The following HDAC9 variants were observed in gnomAD, a reference collection of about 807,000 sequenced individuals.
HDAC9 encodes the protein MEF-2 interacting transcription repressor (MITR) protein.
A neutral mutation model predicts 139.4 loss-of-function variants in HDAC9; 41 were observed. That is an observed-to-expected ratio of 0.29 (90% CI 0.23 to 0.38). HDAC9 has a LOEUF of 0.38. Ranked by LOEUF, HDAC9 falls within the 10% of genes least tolerant of loss-of-function variation. HDAC9 has a pLI of 1.00. For synonymous variants in HDAC9, 517 were observed against 476.2 expected, an observed-to-expected ratio of 1.09 and a Z score of -1.12; for missense variants, 1,147 against 1,297.0, an observed-to-expected ratio of 0.88 and a Z score of 1.78.
intron 2 of HDAC9, among the ~76,000 whole-genome samples, chr7:18,162,964 G>C (rs1787748600): frequency 6.6e-6 from 1 of 152,156 alleles, no homozygotes; most frequent in African/African-American, 2.4e-5. Flanking sequence ...CACAATCCAA[G>C]TTTTGGGAAT....
intron 12 of HDAC9, among the ~76,000 whole-genome samples, chr7:18,696,039 C>T (rs1003013615): frequency 1.3e-5 from 2 of 151,994 alleles, no homozygotes; most frequent in African/African-American, 4.8e-5. Context: ...TAATATCATT[C>T]GTACTAACAC....
intron 6 of HDAC9, among the ~76,000 whole-genome samples, chr7:18,598,535 G>A (rs1214501377): frequency 1.3e-5 from 2 of 152,136 alleles, no homozygotes; most frequent in South Asian, 2.1e-4. Flanking sequence ...TCTGTCAAAT[G>A]AGGATAATAA....
At chr7:18,407,968 C>G (rs1788170224) in intron 1 of HDAC9, among the ~76,000 whole-genome samples, 1 of 152,134 alleles carries the variant, frequency 6.6e-6, no homozygotes, top group South Asian at 2.1e-4. Flanking sequence ...AGTTTGAGTT[C>G]TGGCCATATT....
At chr7:18,206,216 C>T (rs1345551077) in intron 2 of HDAC9, among the ~76,000 whole-genome samples, 1 of 152,004 alleles carries the variant, frequency 6.6e-6, no homozygotes, top group Admixed American at 6.6e-5. Flanking sequence ...TCTATCATTG[C>T]AGCTGTTAAT....
chr7:18,724,706 A>G (rs1023952911), intron 12 of HDAC9, among the ~76,000 whole-genome samples: 2 of 152,152 alleles, frequency 1.3e-5, no homozygotes, highest in Non-Finnish European at 1.5e-5. Context: ...GCCCAGTGTC[A>G]TATATGTGGT....
At chr7:18,478,228 T>C (rs1282622992) in intron 1 of HDAC9, among the ~76,000 whole-genome samples, 1 of 152,012 alleles carries the variant, frequency 6.6e-6, no homozygotes, top group Non-Finnish European at 1.5e-5. Flanking sequence ...CCCGCCACCA[T>C]GCCCCGGTAA....
At chr7:18,619,050 T>C (rs1289107532) in intron 6 of HDAC9, among the ~76,000 whole-genome samples, 1 of 152,102 alleles carries the variant, frequency 6.6e-6, no homozygotes, top group African/African-American at 2.4e-5. Context: ...GCTAGATAGA[T>C]TTTTAAATTT....
At chr7:18,409,121 A>T (rs572552531) in intron 1 of HDAC9, among the ~76,000 whole-genome samples, 2 of 152,216 alleles carry the variant, frequency 1.3e-5, no homozygotes, top group African/African-American at 2.4e-5. Flanking sequence ...TCAAGGGAAT[A>T]TTTTGTAGGT....
At chr7:18,831,957 G>T (rs981898477) in intron 19 of HDAC9, among the ~76,000 whole-genome samples, 5 of 152,212 alleles carry the variant, frequency 3.3e-5, no homozygotes, top group African/African-American at 1.2e-4. Flanking sequence ...TGCAGAGCTA[G>T]AGTTCTAATT....
chr7:18,648,873 A>G (rs545506479), intron 11 of HDAC9, among the ~76,000 whole-genome samples, 190 bp downstream of exon 11: 1 of 152,310 alleles, frequency 6.6e-6, no homozygotes, highest in South Asian at 2.1e-4. Context: ...TTATGTTCAT[A>G]AGACATTTGT....
intron 1 of HDAC9, among the ~76,000 whole-genome samples, chr7:18,395,476 C>A (rs1201399848): frequency 5.5e-5 from 8 of 145,246 alleles, no homozygotes; most frequent in African/African-American, 1.8e-4. Context: ...TGTGGAATTG[C>A]AGAATAAATG....
intron 1 of HDAC9, chr7:18,327,390 A>G (rs541365971): frequency 9.2e-5 from 14 of 152,090 alleles, no homozygotes; most frequent in Admixed American, 8.5e-4. Flanking sequence ...TCACATTTTC[A>G]GTAAATATTT....
intron 11 of HDAC9, among the ~76,000 whole-genome samples, 159 bp downstream of exon 11, chr7:18,648,842 A>G (rs1788281242): frequency 6.6e-6 from 1 of 152,200 alleles, no homozygotes; most frequent in African/African-American, 2.4e-5. Flanking sequence ...CACCATCACA[A>G]TATCAGTGTT....
intron 2 of HDAC9, among the ~76,000 whole-genome samples, chr7:18,582,127 A>T (rs1160408595): frequency 3.9e-5 from 6 of 152,180 alleles, no homozygotes; most frequent in Admixed American, 6.5e-5. Context: ...TGTAGACAGG[A>T]TTTCTGTTAG....
chr7:18,111,032 A>G (rs904380623), intron 1 of HDAC9, among the ~76,000 whole-genome samples: 1 of 152,132 alleles, frequency 6.6e-6, no homozygotes, highest in Admixed American at 6.6e-5. Flanking sequence ...TGGGTTATTC[A>G]TTTGTATTTT....
At chr7:18,317,757 AATCT>A (rs1276638265) in intron 1 of HDAC9, among the ~76,000 whole-genome samples, 3 of 152,134 alleles carry the variant, frequency 2.0e-5, no homozygotes, top group African/African-American at 7.2e-5. Context: ...CTTTGGGGAA[AATCT>A]GTAAATCTAT....
At position 18,442,359 on chromosome 7, in the gene HDAC9, A is replaced by G. The variant is rs555266795; in HGVS notation, c.-41-53903A>G. ...TGTTGTAGCCTTAAGATTCATATTA[A>G]TGCTTGGAAATAAATTTGAGACAAT... On this transcript the variant is annotated intron_variant, in intron 1 of 3. Coordinates refer to the HDAC9 transcript ENST00000413509. Among the ~76,000 whole-genome samples the G allele has an allele frequency of 6.4e-4, 97 of 152,318 alleles. 1 individual carries two copies. The South Asian group carries it at 9.5e-3, about 15-fold the overall frequency.
chr7:18,961,450 A>G (rs1280322331), intron 24 of HDAC9, among the ~76,000 whole-genome samples: 1 of 152,202 alleles, frequency 6.6e-6, no homozygotes, highest in Non-Finnish European at 1.5e-5. Context: ...GAAATTGTGA[A>G]GAAAGAAAAG....
chr7:18,586,675 G>A (rs763291424), intron 3 of HDAC9, among the ~76,000 whole-genome samples: 52 of 151,968 alleles, frequency 3.4e-4, no homozygotes, highest in Non-Finnish European at 6.6e-4. Flanking sequence ...CTTTATTATC[G>A]TATATTCCTA....
Sources: gnomAD v4.1 joint callset for allele counts (sites outside exome capture counted in the v4.1 genomes callset) on GRCh38, gnomAD v4.1.1 for gene constraint, MANE v1.5 for transcripts, NCBI Gene and HGNC (gene_info 2026-07-23, HGNC 2026-07-21) for gene names.